Variants in SUCLG2 observed in about 807,000 individuals in gnomAD.
The protein encoded by SUCLG2 is succinate-CoA ligase GDP-forming subunit beta.
Under a neutral mutation model 47.9 loss-of-function variants are expected in SUCLG2, and 42 were observed. That is an observed-to-expected ratio of 0.88 (90% CI 0.69 to 1.14). SUCLG2 has a LOEUF of 1.14. SUCLG2 is among the 50% of genes most tolerant of loss of function. The pLI, the probability that SUCLG2 is intolerant of heterozygous loss-of-function variation, is 0.00. For missense variants in SUCLG2, 571 were observed against 525.9 expected, an observed-to-expected ratio of 1.09 and a Z score of -0.84; for synonymous variants, 195 against 197.3, an observed-to-expected ratio of 0.99 and a Z score of 0.10.
chr3:67,595,477 T>C (rs1486264695), intron 2 of SUCLG2, among the ~76,000 whole-genome samples: 1 of 152,068 alleles, frequency 6.6e-6, no homozygotes, highest in Non-Finnish European at 1.5e-5. Context: ...CTGCCCAGTA[T>C]AGGGAGTTTT....
intron 2 of SUCLG2, among the ~76,000 whole-genome samples, chr3:67,570,308 G>A (rs1357385529): frequency 1.3e-5 from 2 of 152,180 alleles, no homozygotes; most frequent in Non-Finnish European, 2.9e-5. Context: ...CATTCTCCCT[G>A]AATTGCCAGT....
chr3:67,428,130 G>A (rs192378162), intron 9 of SUCLG2, among the ~76,000 whole-genome samples: 191 of 152,316 alleles, frequency 1.3e-3, no homozygotes, highest in African/African-American at 4.4e-3. Flanking sequence ...ACTGGAGAAT[G>A]GACAGACTGC....
At chr3:67,392,197 G>A (rs1486378260) in intron 10 of SUCLG2, among the ~76,000 whole-genome samples, 5 of 152,006 alleles carry the variant, frequency 3.3e-5, no homozygotes, top group South Asian at 2.1e-4. Context: ...GTCCTTACTA[G>A]GACCAGTTTC....
rs535181050 is a variant in SUCLG2, at chr3:67,562,289, T to A, written c.227-33103A>T. Among the ~76,000 whole-genome samples the A allele has an allele frequency of 1.3e-3, 199 of 152,198 alleles. 1 individual carries two copies. The highest frequency in any genetic ancestry group is 4.5e-3 in the African/African-American group (186 of 41,538). On this transcript the variant is annotated intron_variant, in intron 2 of 10. Coordinates refer to ENST00000307227, the MANE Select transcript of SUCLG2 (RefSeq NM_003848.4). ...CCAATTCAGTTTTTTTGTTTGTTTTTTTTTTTGAGACAGAGTCTTGCTCTG... is the reference window on the plus strand; with the variant it reads ...CCAATTCAGTTTTTTTGTTTGTTTTATTTTTTGAGACAGAGTCTTGCTCTG...
intron 9 of SUCLG2, among the ~76,000 whole-genome samples, chr3:67,459,015 T>C (rs777907989): frequency 2.0e-5 from 3 of 152,242 alleles, no homozygotes; most frequent in Non-Finnish European, 4.4e-5. Flanking sequence ...TAAATTGTTA[T>C]GTGGTCAATC....
chr3:67,542,151 G>C (rs1706734008), intron 2 of SUCLG2, among the ~76,000 whole-genome samples: 1 of 152,116 alleles, frequency 6.6e-6, no homozygotes, highest in Non-Finnish European at 1.5e-5. Context: ...TGGGATTACA[G>C]GCGTGAGCCA....
intron 9 of SUCLG2, among the ~76,000 whole-genome samples, chr3:67,407,352 T>C (rs1304859396): frequency 1.3e-5 from 2 of 152,188 alleles, no homozygotes; most frequent in African/African-American, 4.8e-5. Context: ...TCTTTCTTTG[T>C]TGTGTTATTT....
chr3:67,653,377 TAGTA>T lies in SUCLG2; in HGVS notation c.84+1122_84+1125del, dbSNP rs1354851865. On this transcript the variant is annotated intron_variant, in intron 1 of 10. Transcript: ENST00000307227. ...CAAGCACCTATTAAGAATATTACAG[TAGTA>T]AGTATTAGCACCTTTTAAATTTACA... 5.3e-5 allele frequency among the ~76,000 whole-genome samples: 8 copies of T among 152,130 alleles called. No individual in the cohort carries two copies. The East Asian group carries it at 5.8e-4, about 11-fold the overall frequency.
intron 2 of SUCLG2, among the ~76,000 whole-genome samples, chr3:67,576,721 T>C (rs1707752261): frequency 6.6e-6 from 1 of 152,162 alleles, no homozygotes; most frequent in Non-Finnish European, 1.5e-5. Context: ...TGAATTTCAG[T>C]TGAGAGTTAC....
intron 2 of SUCLG2, among the ~76,000 whole-genome samples, chr3:67,593,152 G>A (rs1708212149): frequency 6.6e-6 from 1 of 152,100 alleles, no homozygotes; most frequent in South Asian, 2.1e-4. Flanking sequence ...CACATTACAT[G>A]TCTATAATAT....
In SUCLG2 at chr3:67,375,905, C is replaced by T. The variant is rs11922206; in HGVS notation, c.1184-46G>A. The T allele has an allele frequency of 9.7e-4, 1,539 of 1,591,096 alleles. 9 individuals carry two copies. The African/African-American group carries it at 0.018, about 19-fold the overall frequency. On this transcript the variant is annotated intron_variant, in intron 10 of 10. Coordinates refer to ENST00000307227, the MANE Select transcript of SUCLG2 (RefSeq NM_003848.4). ...AATCACTGAATGAAACTAGAGGTGG[C>T]GCCTTATGAAGTTTGCACAAGGACA...
chr3:67,513,908 G>A (rs1163994092), intron 6 of SUCLG2: 4 of 155,700 alleles, frequency 2.6e-5, no homozygotes, highest in Non-Finnish European at 5.7e-5. Context: ...CCTCAGAATC[G>A]TGCAGGCACA....
chr3:67,582,720 T>C (rs1176044286), intron 2 of SUCLG2, among the ~76,000 whole-genome samples: 1 of 152,152 alleles, frequency 6.6e-6, no homozygotes, highest in Non-Finnish European at 1.5e-5. Flanking sequence ...TGAACTAATC[T>C]ACATTCCCAC....
rs1458876539 is a variant in SUCLG2, at chr3:67,444,162, GA to G, written c.1063-43312del. Among the ~76,000 whole-genome samples the G allele has an allele frequency of 2.1e-3, 126 of 58,624 alleles. 13 individuals carry two copies. The highest frequency in any genetic ancestry group is 6.6e-3 in the African/African-American group (113 of 17,236). The allele number at this position is 58,624 out of a possible 152,430, so 38.5% of individuals were successfully genotyped here. A position where few individuals can be genotyped will look rare whatever the true frequency, so the allele number is the denominator to read the frequency against. On this transcript the variant is annotated intron_variant, in intron 9 of 10. Transcript: ENST00000307227. ...CGTGCCGTCCGGGAGGGAGGTGGGG[GA>G]GTCAGCCCCCCGCCCGGCCAGCCGC...
rs576649108 is a variant in SUCLG2 at position 67,620,151 on chromosome 3, T to C, written c.85-10555A>G. Among the ~76,000 whole-genome samples, 57 of 152,298 alleles carry C rather than the reference T, an allele frequency of 3.7e-4. No homozygotes were observed. In the South Asian group the frequency reaches 0.011, roughly 30 times the overall value. Reference sequence around the variant, plus strand: ...TGGTCACTGTGTTTGACATCCAAGATCTAGCAGTAATCAGCACAGACAAGT... The same window carrying C: ...TGGTCACTGTGTTTGACATCCAAGACCTAGCAGTAATCAGCACAGACAAGT... On this transcript the variant is annotated intron_variant, in intron 1 of 10. Coordinates refer to ENST00000307227, the MANE Select transcript of SUCLG2 (RefSeq NM_003848.4).
chr3:67,611,346 C>T (rs9871141), intron 1 of SUCLG2, among the ~76,000 whole-genome samples: 14,350 of 152,046 alleles, frequency 0.094, 1,332 homozygotes, highest in African/African-American at 0.24. Flanking sequence ...CATCATTTAC[C>T]GTATATTATT....
At chr3:67,623,257 T>C (rs930745773) in intron 1 of SUCLG2, among the ~76,000 whole-genome samples, 2 of 152,144 alleles carry the variant, frequency 1.3e-5, no homozygotes, top group African/African-American at 2.4e-5. Flanking sequence ...TCCCAGCACT[T>C]TGGGAGGCCA....
At chr3:67,418,354 A>C (rs1181733758) in intron 9 of SUCLG2, among the ~76,000 whole-genome samples, 1 of 152,176 alleles carries the variant, frequency 6.6e-6, no homozygotes, top group Non-Finnish European at 1.5e-5. Context: ...CTATGATTTT[A>C]TTACCATTAT....
chr3:67,561,431 A>T (rs17046601), intron 2 of SUCLG2, among the ~76,000 whole-genome samples: 12,509 of 152,180 alleles, frequency 0.082, 744 homozygotes, highest in East Asian at 0.26. Context: ...AGCAAGTCTT[A>T]AAGTTCCCAA....
Sources: gnomAD v4.1 joint callset for allele counts (sites outside exome capture counted in the v4.1 genomes callset) on GRCh38, gnomAD v4.1.1 for gene constraint, MANE v1.5 for transcripts, NCBI Gene and HGNC (gene_info 2026-07-23, HGNC 2026-07-21) for gene names.